DDX21: variants seen among roughly 807,000 people sequenced by gnomAD.
The protein encoded by DDX21 is nucleolar RNA helicase 2.
Under a neutral mutation model 90.0 loss-of-function variants are expected in DDX21, and 18 were observed. That is an observed-to-expected ratio of 0.20 (90% CI 0.14 to 0.30). The LOEUF (loss-of-function observed/expected upper bound fraction) is 0.30, where lower values mean the gene tolerates loss of function less well. Among genes scored for constraint, DDX21 ranks in the 10% least tolerant of loss-of-function variants. DDX21 has a pLI of 1.00. For missense variants in DDX21, 673 were observed against 944.5 expected, an observed-to-expected ratio of 0.71 and a Z score of 3.77; for synonymous variants, 294 against 318.0, an observed-to-expected ratio of 0.92 and a Z score of 0.80.
intron 10 of DDX21, 86 bp from the exon 11 acceptor site, chr10:68,974,584 C>CAAATG: frequency 9.7e-7 from 1 of 1,029,122 alleles, no homozygotes; most frequent in South Asian, 1.4e-5. Context: ...TACATTTGGC[C>CAAATG]TATATTAAAA....
At position 68,982,979 on chromosome 10, in the gene DDX21, GATCATT is replaced by G; in HGVS notation, c.*174_*179del. The G allele has an allele frequency of 2.4e-6, 2 of 843,834 alleles. No individual in the cohort carries two copies. The highest frequency in any genetic ancestry group is 3.6e-6 in the Non-Finnish European group (2 of 559,294). The allele number at this position is 843,834 out of a possible 1,614,324, so 52.3% of individuals were successfully genotyped here. On this transcript the variant is annotated 3_prime_UTR_variant, in exon 15 of 15. Transcript: ENST00000354185. The stretch of plus-strand genomic sequence containing the variant: ...AAGCTTCATTTAAATTATTTCATCT[GATCATT>G]ATCATTTATAACTTTATTGTTACTT...
Position 68,971,881 on chromosome 10 carries a change from T to G in DDX21, c.1387-10T>G. Reference sequence around the variant, plus strand: ...AACTGGTGTTCTTACATCCGTTTATTTATTGGCAGGATGCTCAGTCCTTGC... The same window carrying G: ...AACTGGTGTTCTTACATCCGTTTATGTATTGGCAGGATGCTCAGTCCTTGC... On this transcript the variant is annotated splice_polypyrimidine_tract_variant and intron_variant, in intron 8 of 14. Coordinates refer to ENST00000354185, the MANE Select transcript of DDX21 (RefSeq NM_004728.4). 6.2e-7 allele frequency: 1 copy of G among 1,612,222 alleles called. No homozygotes were observed. Among genetic ancestry groups the G allele is most frequent in the Non-Finnish European group, 8.5e-7 (1 of 1,178,526 alleles).
At chr10:68,960,979 A>C (rs1226321108) in intron 2 of DDX21, among the ~76,000 whole-genome samples, 1 of 152,172 alleles carries the variant, frequency 6.6e-6, no homozygotes, top group Non-Finnish European at 1.5e-5. Context: ...TTGATTGCAT[A>C]AGTCCTTTTG....
At chr10:68,957,092 C>A (rs1199007477) in intron 1 of DDX21, among the ~76,000 whole-genome samples, 1 of 151,810 alleles carries the variant, frequency 6.6e-6, no homozygotes, top group Admixed American at 6.6e-5. Context: ...CTGGAGAGGT[C>A]TTAACTTCAT....
Position 68,983,380 on chromosome 10 carries a change from G to T in DDX21, c.*568G>T, listed in dbSNP as rs1412962062. 1.3e-5 allele frequency: 2 copies of T among 153,710 alleles called. No individual in the cohort carries two copies. The highest frequency in any genetic ancestry group is 3.8e-4 in the East Asian group (2 of 5,244). 9.5% of individuals were successfully genotyped at this position (153,710 alleles called of 1,614,324 possible). A position where few individuals can be genotyped will look rare whatever the true frequency, so the allele number is the denominator to read the frequency against. On this transcript the variant is annotated 3_prime_UTR_variant, in exon 15 of 15. Transcript: ENST00000354185. ...TATACCAGTGTATGCTCTAGACTTG[G>T]AAGATGTAGTATGTTTGATGTGGAT...
chr10:68,976,595 T>C (rs1018550069), intron 11 of DDX21, among the ~76,000 whole-genome samples: 4 of 151,698 alleles, frequency 2.6e-5, no homozygotes, highest in Non-Finnish European at 5.9e-5. Context: ...CCTGGAAGAG[T>C]GTATTTTAAC....
At chr10:68,957,100 C>T (rs1842809240) in intron 1 of DDX21, among the ~76,000 whole-genome samples, 1 of 151,740 alleles carries the variant, frequency 6.6e-6, no homozygotes, top group East Asian at 1.9e-4. Context: ...GTCTTAACTT[C>T]ATCTGCGCAC....
intron 4 of DDX21, among the ~76,000 whole-genome samples, chr10:68,964,728 A>G (rs1231259311): frequency 2.1e-5 from 3 of 145,400 alleles, no homozygotes; most frequent in Non-Finnish European, 4.5e-5. Context: ...CGGTGGTGCA[A>G]TCTTAACCTC....
intron 11 of DDX21, among the ~76,000 whole-genome samples, chr10:68,974,992 T>C (rs188808804): frequency 7.7e-4 from 116 of 150,998 alleles, no homozygotes; most frequent in Admixed American, 2.0e-3. Context: ...ATAACCTGTT[T>C]ATCAAAAAAA....
At chr10:68,973,912 G>C (rs74139952) in intron 10 of DDX21, among the ~76,000 whole-genome samples, 150 of 152,290 alleles carry the variant, frequency 9.8e-4, no homozygotes, top group African/African-American at 3.3e-3. Flanking sequence ...ATATGAACCA[G>C]AGATAATTAA....
intron 1 of DDX21, among the ~76,000 whole-genome samples, chr10:68,959,395 G>A (rs1842842790): frequency 6.6e-6 from 1 of 152,156 alleles, no homozygotes; most frequent in African/African-American, 2.4e-5. Flanking sequence ...TCGGGAGGCT[G>A]AGGCATGAGA....
In DDX21 at chr10:68,973,668, A is replaced by C. The variant is rs375124976; in HGVS notation, c.1668+4A>C. 29 of 1,611,976 alleles carry C rather than the reference A, an allele frequency of 1.8e-5. No homozygotes were observed. Among genetic ancestry groups the C allele is most frequent in the African/African-American group, 2.7e-5 (2 of 74,842 alleles). ...AGTACAAGTGGAGCAAAAAGCGGTA[A>C]AACTATTCTTACCTTTCATTAAGCA... On this transcript the variant is annotated splice_donor_region_variant and intron_variant, in intron 10 of 14. Coordinates refer to ENST00000354185, the MANE Select transcript of DDX21 (RefSeq NM_004728.4).
intron 7 of DDX21, among the ~76,000 whole-genome samples, chr10:68,969,867 A>T (rs1842997222): frequency 6.6e-6 from 1 of 152,206 alleles, no homozygotes; most frequent in Non-Finnish European, 1.5e-5. Flanking sequence ...AACATACAGA[A>T]ATTTGTTGGT....
intron 1 of DDX21, chr10:68,956,538 C>T (rs1217252943): frequency 2.9e-6 from 4 of 1,396,220 alleles, no homozygotes; most frequent in African/African-American, 2.9e-5. Context: ...TGACCTCTTC[C>T]TCTGAGCTTA....
In DDX21 at chr10:68,963,527, A is replaced by G. The variant is rs1842900217; in HGVS notation, c.786+58A>G. On this transcript the variant is annotated intron_variant, in intron 4 of 14. Coordinates refer to ENST00000354185, the MANE Select transcript of DDX21 (RefSeq NM_004728.4). The stretch of plus-strand genomic sequence containing the variant: ...GCATAGGAAAAACCACCACTTGGGC[A>G]TTGTGTACATACCCTACTATTTTTT... The G allele has an allele frequency of 2.7e-6, 4 of 1,497,472 alleles. No homozygotes were observed. In the South Asian group the frequency reaches 5.2e-5, roughly 19 times the overall value. 92.8% of individuals were successfully genotyped at this position (1,497,472 alleles called of 1,614,324 possible).
chr10:68,972,022 T>C lies in DDX21; in HGVS notation c.1518T>C (p.Val506=). The change falls in exon 9 of 15, where the codon GTT becomes GTC. Residue 506 remains valine (V), a synonymous_variant. Transcript: ENST00000354185. ...CACGTGGGTTAGACATCCCTGAGGTTGATTTGGTTATACAAAGCTCTCCAC... is the reference window on the plus strand; with the variant it reads ...CACGTGGGTTAGACATCCCTGAGGTCGATTTGGTTATACAAAGCTCTCCAC... The part of the protein sequence containing the change: ...VAARGLDIPE[V]DLVIQSSPPK... The C allele has an allele frequency of 6.2e-7, 1 of 1,614,194 alleles. No homozygotes were observed. The highest frequency in any genetic ancestry group is 8.5e-7 in the Non-Finnish European group (1 of 1,180,022).
At chr10:68,969,499 C>CAA (rs780076562) in intron 7 of DDX21, among the ~76,000 whole-genome samples, 24 of 152,146 alleles carry the variant, frequency 1.6e-4, no homozygotes, top group Non-Finnish European at 3.4e-4. Flanking sequence ...AGGATAGTCT[C>CAA]AATCTCTTGA....
intron 1 of DDX21, chr10:68,956,532 C>G: frequency 7.1e-7 from 1 of 1,406,510 alleles, no homozygotes; most frequent in Non-Finnish European, 9.3e-7. Flanking sequence ...GTGCGCTGAC[C>G]TCTTCCTCTG....
rs1271311573 is a variant in DDX21 at position 68,983,436 on chromosome 10, T to A, written c.*624T>A. 1 of 152,534 alleles carries A rather than the reference T, an allele frequency of 6.6e-6. No individual in the cohort carries two copies. Among genetic ancestry groups the A allele is most frequent in the African/African-American group, 2.4e-5 (1 of 41,468 alleles). The allele number at this position is 152,534 out of a possible 1,614,324, so 9.4% of individuals were successfully genotyped here. Reference sequence around the variant, plus strand: ...ATACTTATGTTCGTTTTGATACATTTTTAGCTTCTCATTATAAGGTGATTC... The same window carrying A: ...ATACTTATGTTCGTTTTGATACATTATTAGCTTCTCATTATAAGGTGATTC... On this transcript the variant is annotated 3_prime_UTR_variant, in exon 15 of 15. Coordinates refer to ENST00000354185, the MANE Select transcript of DDX21 (RefSeq NM_004728.4).
Sources: gnomAD v4.1 joint callset for allele counts (sites outside exome capture counted in the v4.1 genomes callset) on GRCh38, gnomAD v4.1.1 for gene constraint, MANE v1.5 for transcripts, NCBI Gene and HGNC (gene_info 2026-07-23, HGNC 2026-07-21) for gene names.